Variants in ADGRG2 observed in about 807,000 individuals in gnomAD.
ADGRG2 encodes the protein G protein-coupled receptor 64.
Under a neutral mutation model 74.1 loss-of-function variants are expected in ADGRG2, and 26 were observed. That is an observed-to-expected ratio of 0.35 (90% CI 0.26 to 0.49). The LOEUF is 0.49. ADGRG2 is among the 20% of genes least tolerant of loss of function. The pLI, the probability that ADGRG2 is intolerant of heterozygous loss-of-function variation, is 0.99. For synonymous variants in ADGRG2, 296 were observed against 295.2 expected, an observed-to-expected ratio of 1.00 and a Z score of -0.03; for missense variants, 619 against 763.1, an observed-to-expected ratio of 0.81 and a Z score of 2.22.
intron 3 of ADGRG2, among the ~76,000 whole-genome samples, chrX:19,050,831 A>G (rs2061306017): frequency 8.9e-6 from 1 of 111,967 alleles, no homozygotes; most frequent in South Asian, 3.8e-4. Flanking sequence ...CGATGTGAAA[A>G]GAAGATGGAT....
chrX:19,073,434 C>G (rs901008234), intron 2 of ADGRG2, among the ~76,000 whole-genome samples: 2 of 111,644 alleles, frequency 1.8e-5, no homozygotes, highest in Non-Finnish European at 3.8e-5. Flanking sequence ...CCCAATTCAT[C>G]TTTATCCAGG....
At chrX:19,101,737 A>C (rs769832955) in intron 1 of ADGRG2, among the ~76,000 whole-genome samples, 27 of 110,725 alleles carry the variant, frequency 2.4e-4, no homozygotes, top group Admixed American at 4.8e-4. Flanking sequence ...GATAAACAAC[A>C]GTTTCAGGAT....
chrX:19,032,043 G>A (rs2060836552), intron 8 of ADGRG2: 1 of 112,257 alleles, frequency 8.9e-6, no homozygotes, highest in Non-Finnish European at 1.9e-5. Flanking sequence ...CCAACTGCAA[G>A]TTTATTTCCA....
intron 1 of ADGRG2, among the ~76,000 whole-genome samples, chrX:19,092,107 G>C (rs1057089585): frequency 1.8e-5 from 2 of 112,052 alleles, no homozygotes; most frequent in Non-Finnish European, 3.8e-5. Flanking sequence ...CTTGGGTCTG[G>C]TGTGCCTTCC....
intron 3 of ADGRG2, among the ~76,000 whole-genome samples, chrX:19,055,532 C>T (rs2061397821): frequency 9.0e-6 from 1 of 111,331 alleles, no homozygotes; most frequent in Non-Finnish European, 1.9e-5. Flanking sequence ...GGCTGGTGGC[C>T]ACTGTTTTGG....
intron 1 of ADGRG2, among the ~76,000 whole-genome samples, chrX:19,114,219 T>A (rs1424156998): frequency 9.1e-6 from 1 of 110,396 alleles, no homozygotes. Context: ...AACACTTTAT[T>A]TGCACAAATA....
intron 1 of ADGRG2, among the ~76,000 whole-genome samples, chrX:19,119,390 C>G (rs1390759232): frequency 8.9e-6 from 1 of 111,851 alleles, no homozygotes; most frequent in Non-Finnish European, 1.9e-5. Flanking sequence ...GATTAAATAC[C>G]TACACATTTT....
At chrX:19,073,765 A>G (rs1193449347) in intron 2 of ADGRG2, among the ~76,000 whole-genome samples, 1 of 111,979 alleles carries the variant, frequency 8.9e-6, no homozygotes, top group African/African-American at 3.2e-5. Context: ...TAACTGGCAT[A>G]CTTTGATTAT....
At chrX:19,036,021 T>C (rs760299447) in intron 6 of ADGRG2, 44 bp from the exon 7 acceptor site, 2 of 639,997 alleles carry the variant, frequency 3.1e-6, no homozygotes, top group Admixed American at 3.0e-5. Flanking sequence ...TGGCATGGTT[T>C]ACAAACATGT....
intron 1 of ADGRG2, among the ~76,000 whole-genome samples, chrX:19,092,572 C>T (rs1331292478): frequency 1.8e-5 from 2 of 111,468 alleles, no homozygotes; most frequent in Admixed American, 9.6e-5. Context: ...AGGCCATAGC[C>T]TGGCCCAGCA....
chrX:19,065,128 G>T (rs957056449), intron 3 of ADGRG2, among the ~76,000 whole-genome samples: 23 of 107,715 alleles, frequency 2.1e-4, no homozygotes, highest in African/African-American at 7.8e-4. Context: ...AAAATTAGTT[G>T]GGCGTGGTGA....
chrX:19,025,367 G>A (rs2060679284), intron 11 of ADGRG2, among the ~76,000 whole-genome samples: 1 of 110,974 alleles, frequency 9.0e-6, no homozygotes, highest in Admixed American at 9.7e-5. Flanking sequence ...TGGGATTTTT[G>A]AAAGCTCCCA....
chrX:19,106,061 G>A (rs2147054690), intron 1 of ADGRG2, among the ~76,000 whole-genome samples: 1 of 110,878 alleles, frequency 9.0e-6, no homozygotes, highest in Admixed American at 9.6e-5. Context: ...GGGCAGGAAG[G>A]CAGCCAATAG....
At chrX:19,112,495 A>T (rs957990072) in intron 1 of ADGRG2, among the ~76,000 whole-genome samples, 2 of 110,813 alleles carry the variant, frequency 1.8e-5, no homozygotes, top group Non-Finnish European at 3.8e-5. Context: ...CAAAATTAAC[A>T]TCACCAATGA....
chrX:18,994,098 C>G (rs187712643), intron 28 of ADGRG2, among the ~76,000 whole-genome samples: 119 of 112,420 alleles, frequency 1.1e-3, no homozygotes, highest in Non-Finnish European at 1.9e-3. Flanking sequence ...AAGTCATCTT[C>G]CAGTATTTTG....
chrX:19,100,841 CAG>C (rs1388615708), intron 1 of ADGRG2, among the ~76,000 whole-genome samples: 1 of 113,079 alleles, frequency 8.8e-6, no homozygotes, highest in African/African-American at 3.2e-5. Context: ...AAAAAGGAAA[CAG>C]AAAGATAACG....
At position 18,998,600 on chromosome X, in the gene ADGRG2, C is replaced by CTTT. The variant is rs768424519; in HGVS notation, c.2614+393_2614+395dup. Among the ~76,000 whole-genome samples the CTTT allele has an allele frequency of 2.1e-3, 167 of 81,187 alleles. 1 individual carries two copies. The highest frequency in any genetic ancestry group is 6.8e-3 in the African/African-American group (146 of 21,343). 70.5% of individuals were successfully genotyped at this position (81,187 alleles called of 115,157 possible). A position where few individuals can be genotyped will look rare whatever the true frequency, so the allele number is the denominator to read the frequency against. ...ACCTCATGGGGTTTCACAGATAGTACTTTTTTTTTTTTTTTTTTTTTTTTA... is the reference window on the plus strand; with the variant it reads ...ACCTCATGGGGTTTCACAGATAGTACTTTTTTTTTTTTTTTTTTTTTTTTTTTA... On this transcript the variant is annotated intron_variant, in intron 26 of 28. Transcript: ENST00000379869.
chrX:19,105,789 A>C lies in ADGRG2; in HGVS notation c.-47+16653T>G, dbSNP rs2062276008. On this transcript the variant is annotated intron_variant, in intron 1 of 28. Transcript: ENST00000379869. ...ATACCCCGTCTCTACTAAAAATACA[A>C]AAATTAGCATGGTGGCGTGCACCTG... Among the ~76,000 whole-genome samples the C allele has an allele frequency of 3.7e-5, 4 of 109,415 alleles. No homozygotes were observed. The Admixed American group carries it at 3.9e-4, about 11-fold the overall frequency.
intron 23 of ADGRG2, among the ~76,000 whole-genome samples, chrX:19,004,521 G>C (rs1383745227): frequency 9.0e-6 from 1 of 111,691 alleles, no homozygotes; most frequent in Non-Finnish European, 1.9e-5. Context: ...TCAGGTACTG[G>C]GTGTCATTCT....
Sources: gnomAD v4.1 joint callset for allele counts (sites outside exome capture counted in the v4.1 genomes callset) on GRCh38, gnomAD v4.1.1 for gene constraint, MANE v1.5 for transcripts, NCBI Gene and HGNC (gene_info 2026-07-23, HGNC 2026-07-21) for gene names.